Variants in PHACTR1 observed in about 807,000 individuals in gnomAD.
PHACTR1 encodes the protein RPEL repeat containing 1.
In PHACTR1, 16 loss-of-function variants were observed where a neutral mutation model predicts 69.2. The observed-to-expected ratio is 0.23, with a 90% CI of 0.16 to 0.35. The LOEUF is 0.35. Among genes scored for constraint, PHACTR1 ranks in the 10% least tolerant of loss-of-function variants. The pLI is 1.00. For missense variants in PHACTR1, 510 were observed against 734.7 expected, an observed-to-expected ratio of 0.69 and a Z score of 3.54; for synonymous variants, 312 against 284.5, an observed-to-expected ratio of 1.10 and a Z score of -0.97.
intron 4 of PHACTR1, among the ~76,000 whole-genome samples, chr6:12,939,263 A>G (rs921150039): frequency 1.3e-5 from 2 of 152,188 alleles, no homozygotes; most frequent in Admixed American, 6.5e-5. Context: ...CGAAGGAGAG[A>G]TTGCCTTAGG....
chr6:13,209,966 A>G (rs1435917164), intron 8 of PHACTR1, among the ~76,000 whole-genome samples: 2 of 152,194 alleles, frequency 1.3e-5, no homozygotes, highest in East Asian at 1.9e-4. Flanking sequence ...CCCTGAGATT[A>G]TACCAAATCT....
chr6:12,752,514 A>G (rs1766748543), intron 4 of PHACTR1, among the ~76,000 whole-genome samples: 2 of 152,164 alleles, frequency 1.3e-5, no homozygotes, highest in East Asian at 3.8e-4. Context: ...TATGTTTAAT[A>G]TTTGCTTTCC....
intron 7 of PHACTR1, among the ~76,000 whole-genome samples, chr6:13,203,714 G>A (rs1765538453): frequency 6.6e-6 from 1 of 152,158 alleles, no homozygotes; most frequent in African/African-American, 2.4e-5. Flanking sequence ...CTGAGGGAAA[G>A]TGACATGCAA....
At chr6:12,818,179 C>G (rs1160607637) in intron 4 of PHACTR1, among the ~76,000 whole-genome samples, 1 of 152,140 alleles carries the variant, frequency 6.6e-6, no homozygotes, top group Non-Finnish European at 1.5e-5. Context: ...TGCTACGTAA[C>G]AAACCTACCC....
At chr6:13,206,296 A>G (rs1200769002) in intron 8 of PHACTR1, among the ~76,000 whole-genome samples, 160 bp downstream of exon 8, 1 of 152,180 alleles carries the variant, frequency 6.6e-6, no homozygotes, top group African/African-American at 2.4e-5. Context: ...AGGTCAAAGC[A>G]TGGAAAAAAA....
At chr6:13,167,366 G>A (rs1011204275) in intron 6 of PHACTR1, among the ~76,000 whole-genome samples, 3 of 152,208 alleles carry the variant, frequency 2.0e-5, no homozygotes, top group Non-Finnish European at 4.4e-5. Context: ...CACTTTGTAT[G>A]GTATGGGTAT....
chr6:13,170,744 A>G (rs1353551677), intron 6 of PHACTR1, among the ~76,000 whole-genome samples: 1 of 152,188 alleles, frequency 6.6e-6, no homozygotes, highest in Non-Finnish European at 1.5e-5. Context: ...TGTGGAAGAT[A>G]CAGGGCATCT....
chr6:13,175,720 C>T (rs1429100839), intron 6 of PHACTR1, among the ~76,000 whole-genome samples: 2 of 152,122 alleles, frequency 1.3e-5, no homozygotes, highest in African/African-American at 4.8e-5. Flanking sequence ...TTTGAGGGGC[C>T]CTCTATTAGC....
intron 10 of PHACTR1, among the ~76,000 whole-genome samples, chr6:13,243,934 CT>C (rs1279529637): frequency 6.6e-6 from 1 of 152,128 alleles, no homozygotes; most frequent in African/African-American, 2.4e-5. Flanking sequence ...TGATCTCATT[CT>C]TTTTTATGGC....
At chr6:13,272,505 C>A in intron 10 of PHACTR1, 1 of 372,014 alleles carries the variant, frequency 2.7e-6, no homozygotes, top group Admixed American at 4.3e-5. Context: ...AGGCAAGAGG[C>A]CACAGTCCCC....
At chr6:12,925,519 A>G (rs984039809) in intron 4 of PHACTR1, among the ~76,000 whole-genome samples, 4 of 152,228 alleles carry the variant, frequency 2.6e-5, no homozygotes, top group African/African-American at 9.6e-5. Flanking sequence ...TGAAGATTAT[A>G]TTAGATGATG....
intron 7 of PHACTR1, among the ~76,000 whole-genome samples, chr6:13,188,992 C>G (rs1047064890): frequency 1.3e-5 from 2 of 152,258 alleles, no homozygotes; most frequent in African/African-American, 4.8e-5. Flanking sequence ...TCCTGCCTCT[C>G]TAAGTCATCA....
chr6:13,177,594 A>G lies in PHACTR1; in HGVS notation c.497-4925A>G, dbSNP rs535259435. On this transcript the variant is annotated intron_variant, in intron 6 of 14. Transcript: ENST00000332995. ...CATCTATAAAAAACAACTTCGGTTA[A>G]CCATGAGGATTTGAGAAAATGTAAT... 3.9e-5 allele frequency among the ~76,000 whole-genome samples: 6 copies of G among 152,346 alleles called. 1 individual carries two copies. In the South Asian group the frequency reaches 1.2e-3, roughly 32 times the overall value.
chr6:13,115,894 A>G (rs966514396), intron 5 of PHACTR1, among the ~76,000 whole-genome samples: 5 of 152,210 alleles, frequency 3.3e-5, no homozygotes, highest in Non-Finnish European at 7.3e-5. Context: ...GCCCAGAGAC[A>G]GAACAGCAGG....
chr6:13,019,068 A>ATTTT (rs1383931837), intron 4 of PHACTR1, among the ~76,000 whole-genome samples: 14 of 137,716 alleles, frequency 1.0e-4, no homozygotes, highest in Admixed American at 7.2e-4. Context: ...ATATATATAT[A>ATTTT]TATATATTTT....
chr6:13,106,761 T>C (rs975745668), intron 5 of PHACTR1, among the ~76,000 whole-genome samples: 2 of 152,072 alleles, frequency 1.3e-5, no homozygotes, highest in African/African-American at 4.8e-5. Flanking sequence ...ATGTTGAATA[T>C]TGCCCAATTT....
At chr6:12,910,556 AC>A (rs1786270499) in intron 4 of PHACTR1, among the ~76,000 whole-genome samples, 1 of 152,184 alleles carries the variant, frequency 6.6e-6, no homozygotes, top group South Asian at 2.1e-4. Flanking sequence ...AATACCTTCA[AC>A]TTTTTCCTCT....
At chr6:13,059,931 T>C (rs1446432412) in intron 5 of PHACTR1, among the ~76,000 whole-genome samples, 1 of 151,978 alleles carries the variant, frequency 6.6e-6, no homozygotes, top group Non-Finnish European at 1.5e-5. Context: ...AGATGTAAGA[T>C]TGGCTAGGAA....
chr6:12,812,117 C>T (rs1482137599), intron 4 of PHACTR1, among the ~76,000 whole-genome samples: 1 of 152,040 alleles, frequency 6.6e-6, no homozygotes, highest in African/African-American at 2.4e-5. Context: ...TTTTCATTAC[C>T]CCAAAAGAAA....
Sources: gnomAD v4.1 joint callset for allele counts (sites outside exome capture counted in the v4.1 genomes callset) on GRCh38, gnomAD v4.1.1 for gene constraint, MANE v1.5 for transcripts, NCBI Gene and HGNC (gene_info 2026-07-23, HGNC 2026-07-21) for gene names.